TMEM132D: variants seen among roughly 807,000 people sequenced by gnomAD.
TMEM132D encodes mature OL transmembrane protein.
A neutral mutation model predicts 62.3 loss-of-function variants in TMEM132D; 21 were observed. The ratio of observed to expected loss-of-function variants is 0.34; its 90% confidence interval spans 0.24 to 0.49. The LOEUF (loss-of-function observed/expected upper bound fraction) is 0.49, where lower values mean the gene tolerates loss of function less well. Ranked by LOEUF, TMEM132D falls within the 20% of genes least tolerant of loss-of-function variation. The pLI is 0.99. For synonymous variants in TMEM132D, 621 were observed against 575.6 expected, an observed-to-expected ratio of 1.08 and a Z score of -1.13; for missense variants, 1,346 against 1,402.8, an observed-to-expected ratio of 0.96 and a Z score of 0.65.
chr12:129,863,814 T>G (rs1026010793), intron 1 of TMEM132D, among the ~76,000 whole-genome samples: 7 of 152,086 alleles, frequency 4.6e-5, no homozygotes, highest in Admixed American at 4.6e-4. Context: ...GGGAGGAAAT[T>G]GTAACAGGAA....
chr12:129,602,587 C>G (rs1878509896), intron 2 of TMEM132D, among the ~76,000 whole-genome samples: 1 of 152,194 alleles, frequency 6.6e-6, no homozygotes, highest in African/African-American at 2.4e-5. Flanking sequence ...GCTACTGATA[C>G]TAGTCACAGG....
chr12:129,469,578 G>C (rs1874032751), intron 3 of TMEM132D, among the ~76,000 whole-genome samples: 6 of 152,152 alleles, frequency 3.9e-5, no homozygotes, highest in Admixed American at 3.9e-4. Context: ...CATCACTCAA[G>C]CAATCACTGA....
chr12:129,144,222 A>G lies in TMEM132D; in HGVS notation c.1444-59520T>C, dbSNP rs935018361. 2.6e-5 allele frequency among the ~76,000 whole-genome samples: 4 copies of G among 152,072 alleles called. No homozygotes were observed. In the East Asian group the frequency reaches 7.7e-4, roughly 29 times the overall value. On this transcript the variant is annotated intron_variant, in intron 5 of 8. Coordinates refer to ENST00000422113, the MANE Select transcript of TMEM132D (RefSeq NM_133448.3). Reference sequence around the variant, plus strand: ...CGCTAGACCAAGCAGAACATGGAAAATATACACAAGGAATTATGTGCTTGT... The same window carrying G: ...CGCTAGACCAAGCAGAACATGGAAAGTATACACAAGGAATTATGTGCTTGT...
intron 1 of TMEM132D, among the ~76,000 whole-genome samples, chr12:129,859,865 G>C (rs79593291): frequency 0.027 from 4,123 of 152,210 alleles, 185 homozygotes; most frequent in African/African-American, 0.093. Flanking sequence ...TGATCAGACC[G>C]AGCCACTACT....
chr12:129,731,929 T>C (rs1337166195), intron 1 of TMEM132D, among the ~76,000 whole-genome samples: 1 of 152,346 alleles, frequency 6.6e-6, no homozygotes, highest in Admixed American at 6.5e-5. Flanking sequence ...CCCAAAGTGC[T>C]GGGATTACAG....
At chr12:129,693,342 T>TA (rs1189317332) in intron 2 of TMEM132D, among the ~76,000 whole-genome samples, 1 of 152,144 alleles carries the variant, frequency 6.6e-6, no homozygotes, top group East Asian at 1.9e-4. Flanking sequence ...CTCACTGAAA[T>TA]AAGTACATTA....
At chr12:129,741,287 A>G (rs1464008773) in intron 1 of TMEM132D, among the ~76,000 whole-genome samples, 1 of 152,158 alleles carries the variant, frequency 6.6e-6, no homozygotes, top group Non-Finnish European at 1.5e-5. Flanking sequence ...CTTCTCTCTT[A>G]GTTTTCTCAT....
chr12:129,376,999 A>T (rs1040757284), intron 3 of TMEM132D, among the ~76,000 whole-genome samples: 13 of 152,226 alleles, frequency 8.5e-5, no homozygotes, highest in African/African-American at 2.9e-4. Context: ...GCGTTTGCTC[A>T]GTGGAATTCC....
At chr12:129,668,503 G>A (rs1264329332) in intron 2 of TMEM132D, among the ~76,000 whole-genome samples, 1 of 151,722 alleles carries the variant, frequency 6.6e-6, no homozygotes, top group Non-Finnish European at 1.5e-5. Flanking sequence ...TGTGCCATTG[G>A]AATAGAGGAA....
intron 4 of TMEM132D, among the ~76,000 whole-genome samples, chr12:129,232,935 C>T (rs1048713941): frequency 1.6e-4 from 24 of 152,020 alleles, no homozygotes; most frequent in African/African-American, 5.6e-4. Flanking sequence ...GGGGAAATCA[C>T]CAGCCTGAGC....
chr12:129,184,906 G>A (rs1444490634), intron 5 of TMEM132D, among the ~76,000 whole-genome samples: 1 of 152,052 alleles, frequency 6.6e-6, no homozygotes, highest in African/African-American at 2.4e-5. Flanking sequence ...TTCAGGCTCT[G>A]GGCTCAAGAA....
At chr12:129,131,378 G>A (rs927505799) in intron 5 of TMEM132D, among the ~76,000 whole-genome samples, 6 of 152,168 alleles carry the variant, frequency 3.9e-5, no homozygotes, top group African/African-American at 1.2e-4. Flanking sequence ...AGGCCAAGGT[G>A]GGCGGATTGC....
intron 2 of TMEM132D, among the ~76,000 whole-genome samples, chr12:129,693,871 C>T (rs1027771195): frequency 1.3e-5 from 2 of 152,146 alleles, no homozygotes; most frequent in African/African-American, 2.4e-5. Flanking sequence ...GCAGCTACTG[C>T]GCATGTGCAC....
chr12:129,860,611 T>C (rs2137367578), intron 1 of TMEM132D, among the ~76,000 whole-genome samples: 1 of 152,354 alleles, frequency 6.6e-6, no homozygotes, highest in Middle Eastern at 3.4e-3. Context: ...CCTAATTTTA[T>C]CTAGCTATGT....
intron 3 of TMEM132D, among the ~76,000 whole-genome samples, chr12:129,341,593 C>T (rs1244411134): frequency 1.3e-5 from 2 of 152,156 alleles, no homozygotes; most frequent in African/African-American, 2.4e-5. Context: ...TAGATGTTTA[C>T]AGTTAAGGGA....
chr12:129,800,562 G>A (rs1304776378), intron 1 of TMEM132D, among the ~76,000 whole-genome samples: 4 of 152,166 alleles, frequency 2.6e-5, no homozygotes, highest in African/African-American at 7.2e-5. Flanking sequence ...GGAGGCCATA[G>A]AATCCTATAA....
chr12:129,593,956 AG>A (rs1427077615), intron 2 of TMEM132D, among the ~76,000 whole-genome samples: 2 of 152,142 alleles, frequency 1.3e-5, no homozygotes, highest in Non-Finnish European at 2.9e-5. Context: ...TCCTGATATT[AG>A]GCAACCCCCT....
chr12:129,516,520 G>A (rs1875686494), intron 3 of TMEM132D, among the ~76,000 whole-genome samples: 1 of 152,082 alleles, frequency 6.6e-6, no homozygotes, highest in African/African-American at 2.4e-5. Context: ...AAGTGAAAGG[G>A]GCTTCCCCTT....
intron 1 of TMEM132D, among the ~76,000 whole-genome samples, chr12:129,715,462 C>T (rs1868537003): frequency 6.6e-6 from 1 of 152,164 alleles, no homozygotes; most frequent in Admixed American, 6.5e-5. Context: ...TGATGCACAC[C>T]TTTCTAAGTT....
Sources: gnomAD v4.1 joint callset for allele counts (sites outside exome capture counted in the v4.1 genomes callset) on GRCh38, gnomAD v4.1.1 for gene constraint, MANE v1.5 for transcripts, NCBI Gene and HGNC (gene_info 2026-07-23, HGNC 2026-07-21) for gene names.